Variants in NAA38 observed in about 807,000 individuals in gnomAD.
NAA38 encodes the protein N-alpha-acetyltransferase 38, NatC auxiliary subunit.
A neutral mutation model predicts 12.6 loss-of-function variants in NAA38; 15 were observed. The observed-to-expected ratio is 1.19, with a 90% confidence interval of 0.79 to 1.83. The LOEUF (loss-of-function observed/expected upper bound fraction) is 1.83. NAA38 is among the 40% of genes most tolerant of loss of function. The pLI, the probability that NAA38 is intolerant of heterozygous loss-of-function variation, is 0.00. For missense variants in NAA38, 183 were observed against 171.7 expected, an observed-to-expected ratio of 1.07 and a Z score of -0.37; for synonymous variants, 88 against 69.9, an observed-to-expected ratio of 1.26 and a Z score of -1.29.
At chr17:7,874,513 A>G (rs186221332) in intron 2 of NAA38, among the ~76,000 whole-genome samples, 41 of 152,288 alleles carry the variant, frequency 2.7e-4, no homozygotes, top group African/African-American at 9.9e-4. Context: ...GAAGGTAAGG[A>G]GCACACAGCA....
intron 1 of NAA38, chr17:7,885,010 C>G: frequency 8.1e-7 from 1 of 1,229,666 alleles, no homozygotes; most frequent in Non-Finnish European, 1.0e-6. Flanking sequence ...ACAGCCCCCC[C>G]GGCTGCCACC....
At chr17:7,858,871 A>C (rs112141336), upstream of NAA38, 17 of 1,470,664 alleles carry the variant, frequency 1.2e-5, 1 homozygote, top group African/African-American at 1.7e-4. Flanking sequence ...GGGGAATCCC[A>C]GCAAATCTCC....
At chr17:7,883,724 G>A (rs1237636935) in intron 1 of NAA38, among the ~76,000 whole-genome samples, 1 of 151,858 alleles carries the variant, frequency 6.6e-6, no homozygotes, top group East Asian at 1.9e-4. Context: ...TGACTTCAAT[G>A]AGGTATGTAG....
At chr17:7,884,422 G>T (rs1967423107) in intron 1 of NAA38, among the ~76,000 whole-genome samples, 1 of 144,306 alleles carries the variant, frequency 6.9e-6, no homozygotes, top group African/African-American at 2.5e-5. Flanking sequence ...AACGGAGAGG[G>T]GGGCAGAGAG....
intron 2 of NAA38, among the ~76,000 whole-genome samples, chr17:7,869,856 G>GC (rs1379071764): frequency 1.3e-5 from 2 of 152,174 alleles, no homozygotes; most frequent in African/African-American, 4.8e-5. Context: ...GTAAGAGGAA[G>GC]CCAGTGTGGG....
At chr17:7,878,411 G>C (rs1012864014) in intron 2 of NAA38, among the ~76,000 whole-genome samples, 4 of 151,934 alleles carry the variant, frequency 2.6e-5, no homozygotes, top group Non-Finnish European at 5.9e-5. Context: ...GATCAACATG[G>C]GGTTGCTGAC....
In NAA38 at chr17:7,857,375, G is replaced by T. The variant is rs1368394083; in HGVS notation, c.81+8C>A. ...CCCCTCAGTCCCAGAACCAGAGCCCGTGCTAACCCCAGCACTGGAGCTGCT... is the reference window on the plus strand; with the variant it reads ...CCCCTCAGTCCCAGAACCAGAGCCCTTGCTAACCCCAGCACTGGAGCTGCT... On this transcript the variant is annotated splice_region_variant and intron_variant, in intron 1 of 2. Coordinates refer to ENST00000575771, the MANE Select transcript of NAA38 (RefSeq NM_001320925.4). The T allele has an allele frequency of 1.9e-6, 3 of 1,612,236 alleles. No homozygotes were observed. Among genetic ancestry groups the T allele is most frequent in the Non-Finnish European group, 2.5e-6 (3 of 1,179,456 alleles).
chr17:7,856,727 G>A lies in NAA38; in HGVS notation c.*4C>T. ...TGAAGTCTGAAAGGTAAGCGCCATC[G>A]TGGTCAGAGATACGGAGGCCCGGTC... On this transcript the variant is annotated 3_prime_UTR_variant, in exon 3 of 3. Transcript: ENST00000575771. 6.2e-7 allele frequency: 1 copy of A among 1,610,012 alleles called. No homozygotes were observed. The highest frequency in any genetic ancestry group is 8.5e-7 in the Non-Finnish European group (1 of 1,176,398).
chr17:7,885,226 G>T (rs1597894097), upstream of NAA38: 1 of 806,280 alleles, frequency 1.2e-6, no homozygotes, highest in East Asian at 1.3e-4. Context: ...GTGGCCCCGC[G>T]GCGGTCCGGG....
At chr17:7,859,141 G>A (rs2078862298), upstream of NAA38, 2 of 594,006 alleles carry the variant, frequency 3.4e-6, no homozygotes, top group Non-Finnish European at 3.0e-6. Context: ...CTACTCTGTT[G>A]CATGGATATA....
upstream of NAA38, chr17:7,859,095 C>T (rs1159821566): frequency 7.0e-6 from 4 of 569,644 alleles, no homozygotes; most frequent in African/African-American, 5.6e-5. Flanking sequence ...AGCTCTTACA[C>T]GCCGTTTTGG....
intron 2 of NAA38, among the ~76,000 whole-genome samples, chr17:7,873,167 G>A (rs911718501): frequency 6.6e-5 from 10 of 152,124 alleles, no homozygotes; most frequent in South Asian, 2.1e-4. Flanking sequence ...AGTGGAAGCC[G>A]CATATGAACC....
intron 3 of NAA38, chr17:7,866,479 AG>A (rs1966985539): frequency 8.1e-7 from 1 of 1,231,414 alleles, no homozygotes; most frequent in South Asian, 4.1e-5. Flanking sequence ...AGATGAACTT[AG>A]AAACCCTTAC....
chr17:7,856,705 A>G lies in NAA38; in HGVS notation c.*26T>C. ...GCCCATTCGGTCATAAGTTTAATGA[A>G]GTCTGAAAGGTAAGCGCCATCGTGG... On this transcript the variant is annotated 3_prime_UTR_variant, in exon 3 of 3. Coordinates refer to ENST00000575771, the MANE Select transcript of NAA38 (RefSeq NM_001320925.4). 4.4e-6 allele frequency: 7 copies of G among 1,580,720 alleles called. No homozygotes were observed. Among genetic ancestry groups the G allele is most frequent in the African/African-American group, 1.3e-5 (1 of 74,264 alleles).
chr17:7,878,190 CATTT>C (rs1470618267), intron 2 of NAA38, among the ~76,000 whole-genome samples: 4 of 151,816 alleles, frequency 2.6e-5, no homozygotes. Context: ...AAAGAACATT[CATTT>C]AAGTTAAAGA....
upstream of NAA38, chr17:7,860,790 C>T (rs1207225588): frequency 1.3e-5 from 2 of 152,202 alleles, no homozygotes; most frequent in African/African-American, 4.8e-5. Context: ...GTCAGTTAAG[C>T]AATAGCTATT....
In NAA38 at chr17:7,857,182, C is replaced by T. The variant is rs1158076566; in HGVS notation, c.98G>A (p.Arg33His). 1.1e-5 allele frequency: 18 copies of T among 1,612,986 alleles called. No homozygotes were observed. Among genetic ancestry groups the T allele is most frequent in the African/African-American group, 6.7e-5 (5 of 74,932 alleles). Residue 33 changes from arginine (R) to histidine (H), a missense_variant, in exon 2 of 3, where the codon CGC becomes CAC. Physicochemically the swap from Arg to His is conservative, Grantham distance 29. Coordinates refer to ENST00000575771, the MANE Select transcript of NAA38 (RefSeq NM_001320925.4). ...SSSAGDSDGE[R>H]EDSAAERARQ... ...GGCGCGCTCAGCCGCCGAGTCCTCGCGCTCTCCGTCCGAATCCTGCGCGGG... is the reference window on the plus strand; with the variant it reads ...GGCGCGCTCAGCCGCCGAGTCCTCGTGCTCTCCGTCCGAATCCTGCGCGGG...
rs375441629 is a variant in NAA38 at position 7,857,093 on chromosome 17, G to C, written c.187C>G (p.Leu63Val). 10 of 1,613,582 alleles carry C rather than the reference G, an allele frequency of 6.2e-6. No homozygotes were observed. Among genetic ancestry groups the C allele is most frequent in the Non-Finnish European group, 8.5e-6 (10 of 1,180,046 alleles). ...MRIRMTDGRTLVGCFLCTDRD... is the reference protein window; with the variant it reads ...MRIRMTDGRTVVGCFLCTDRD... Reference sequence around the variant, plus strand: ...TCAGTGCAGAGGAAGCAGCCGACCAGTGTCCGTCCATCTGTCATGCGAATG... The same window carrying C: ...TCAGTGCAGAGGAAGCAGCCGACCACTGTCCGTCCATCTGTCATGCGAATG... Residue 63 changes from leucine to valine, a missense_variant, in exon 2 of 3, where the codon CTG becomes GTG. Transcript: ENST00000575771.
chr17:7,878,267 C>A (rs1448500947), intron 2 of NAA38, among the ~76,000 whole-genome samples: 2 of 151,446 alleles, frequency 1.3e-5, no homozygotes, highest in East Asian at 1.9e-4. Context: ...ATAGATATGG[C>A]AAATCATGAA....
Sources: gnomAD v4.1 joint callset for allele counts (sites outside exome capture counted in the v4.1 genomes callset) on GRCh38, gnomAD v4.1.1 for gene constraint, MANE v1.5 for transcripts, NCBI Gene and HGNC (gene_info 2026-07-23, HGNC 2026-07-21) for gene names.